FBXO15: variants seen among roughly 807,000 people sequenced by gnomAD.
FBXO15 encodes the protein F-box only protein 15.
A neutral mutation model predicts 49.5 loss-of-function variants in FBXO15; 30 were observed. The ratio of observed to expected loss-of-function variants is 0.61; its 90% CI spans 0.45 to 0.82. The LOEUF (loss-of-function observed/expected upper bound fraction) is 0.82, where lower values mean the gene tolerates loss of function less well. Ranked by LOEUF, FBXO15 falls within the 40% of genes least tolerant of loss-of-function variation. The pLI is 0.00. For missense variants in FBXO15, 591 were observed against 631.5 expected, an observed-to-expected ratio of 0.94 and a Z score of 0.69; for synonymous variants, 250 against 232.7, an observed-to-expected ratio of 1.07 and a Z score of -0.68.
At chr18:74,114,625 T>C (rs62097017) in intron 8 of FBXO15, among the ~76,000 whole-genome samples, 13,322 of 152,252 alleles carry the variant, frequency 0.087, 821 homozygotes, top group Admixed American at 0.2. Context: ...TTACCCACAT[T>C]CCCTCTTTCC....
At chr18:74,125,914 T>C in intron 6 of FBXO15, 61 bp downstream of exon 6, 1 of 1,586,692 alleles carries the variant, frequency 6.3e-7, no homozygotes, top group South Asian at 1.1e-5. Context: ...TACATAATGG[T>C]AAGTAAATGT....
chr18:74,125,712 G>A (rs1005636523), intron 6 of FBXO15, among the ~76,000 whole-genome samples: 3 of 152,136 alleles, frequency 2.0e-5, no homozygotes, highest in Admixed American at 1.3e-4. Context: ...AAACATGAAG[G>A]CAGGAAGAGG....
At chr18:74,120,960 T>C (rs769540923) in intron 8 of FBXO15, among the ~76,000 whole-genome samples, 5 of 152,010 alleles carry the variant, frequency 3.3e-5, no homozygotes, top group Non-Finnish European at 7.4e-5. Flanking sequence ...CAGAAATACA[T>C]GAATTACCAA....
chr18:74,120,308 T>C (rs1447891901), intron 8 of FBXO15, among the ~76,000 whole-genome samples: 1 of 152,108 alleles, frequency 6.6e-6, no homozygotes, highest in Non-Finnish European at 1.5e-5. Flanking sequence ...AAATATCAAC[T>C]CTCTCAACCG....
intron 3 of FBXO15, among the ~76,000 whole-genome samples, chr18:74,132,077 C>A (rs1263011759): frequency 6.6e-6 from 1 of 152,220 alleles, no homozygotes; most frequent in Non-Finnish European, 1.5e-5. Flanking sequence ...TCTCACTCTG[C>A]AAAATCACTT....
At chr18:74,096,241 T>C (rs1364871784) in intron 8 of FBXO15, among the ~76,000 whole-genome samples, 4 of 151,980 alleles carry the variant, frequency 2.6e-5, no homozygotes, top group Non-Finnish European at 5.9e-5. Flanking sequence ...TCCCCAGCCC[T>C]GGAAATGCAG....
At chr18:74,096,569 A>G (rs929976932) in intron 8 of FBXO15, among the ~76,000 whole-genome samples, 1 of 151,974 alleles carries the variant, frequency 6.6e-6, no homozygotes, top group Non-Finnish European at 1.5e-5. Context: ...TAAATAACTA[A>G]TCATTCAGTG....
At chr18:74,107,601 G>A (rs577339977) in intron 8 of FBXO15, among the ~76,000 whole-genome samples, 12 of 152,212 alleles carry the variant, frequency 7.9e-5, no homozygotes, top group Non-Finnish European at 1.6e-4. Context: ...TAAAAAAAAG[G>A]GAAACCTGAG....
chr18:74,130,285 C>T, intron 4 of FBXO15, 131 bp downstream of exon 4: 6 of 1,260,422 alleles, frequency 4.8e-6, no homozygotes, highest in African/African-American at 3.0e-5. Flanking sequence ...GAAAATGATA[C>T]ATATTTTATA....
rs1912216402 is a variant in FBXO15 at position 74,075,335 on chromosome 18, T to A, written c.1264-1605A>T. The stretch of plus-strand genomic sequence containing the variant: ...CACCTCTCCTCACATGTGTTTCTCA[T>A]CTGCTCCTCCCGGGTGTGGCCCAGT... On this transcript the variant is annotated intron_variant, in intron 9 of 9. Coordinates refer to ENST00000419743, the MANE Select transcript of FBXO15 (RefSeq NM_001142958.2). This position sits in a 1 kb window ranked among gnomAD's most constrained non-coding sequence, Gnocchi z 4.1. 6.6e-6 allele frequency among the ~76,000 whole-genome samples: 1 copy of A among 152,198 alleles called. No homozygotes were observed. Among genetic ancestry groups the A allele is most frequent in the African/African-American group, 2.4e-5 (1 of 41,454 alleles).
At chr18:74,146,731 A>C (rs185153272) in intron 1 of FBXO15, among the ~76,000 whole-genome samples, 170 of 152,326 alleles carry the variant, frequency 1.1e-3, no homozygotes, top group Non-Finnish European at 8.2e-4. Flanking sequence ...GGTAAGTGGA[A>C]GTAATGGAGA....
chr18:74,077,334 C>T (rs1351395755), intron 9 of FBXO15, among the ~76,000 whole-genome samples: 1 of 152,150 alleles, frequency 6.6e-6, no homozygotes, highest in African/African-American at 2.4e-5. Context: ...GGGCAGCAAA[C>T]ACCAGGAAAG....
At chr18:74,082,699 C>A (rs1202672405) in intron 8 of FBXO15, among the ~76,000 whole-genome samples, 5 of 152,100 alleles carry the variant, frequency 3.3e-5, no homozygotes, top group Non-Finnish European at 5.9e-5. Context: ...GGGAGAGCCG[C>A]AGCACCACTC....
At chr18:74,120,794 A>G (rs1298861192) in intron 8 of FBXO15, among the ~76,000 whole-genome samples, 1 of 152,158 alleles carries the variant, frequency 6.6e-6, no homozygotes, top group Admixed American at 6.5e-5. Flanking sequence ...CATAAGCAGA[A>G]AAAAAGTAGA....
intron 1 of FBXO15, 105 bp downstream of exon 1, chr18:74,147,565 G>C: frequency 1.6e-6 from 2 of 1,289,848 alleles, no homozygotes; most frequent in Non-Finnish European, 2.0e-6. Flanking sequence ...AGACGGCCAC[G>C]GGCCTTGCGC....
intron 8 of FBXO15, among the ~76,000 whole-genome samples, chr18:74,093,299 A>C (rs922139706): frequency 1.3e-5 from 2 of 151,504 alleles, no homozygotes; most frequent in Admixed American, 6.6e-5. Context: ...ACATGCTAGC[A>C]AAGTGGCATA....
chr18:74,085,229 G>GAA (rs541140562), intron 8 of FBXO15, among the ~76,000 whole-genome samples: 5,929 of 148,758 alleles, frequency 0.04, 377 homozygotes, highest in African/African-American at 0.13. Context: ...AACAATCTTG[G>GAA]AAAAAAAAAA....
chr18:74,120,898 T>C (rs1484701365), intron 8 of FBXO15, among the ~76,000 whole-genome samples: 2 of 151,896 alleles, frequency 1.3e-5, no homozygotes, highest in African/African-American at 4.8e-5. Flanking sequence ...TCTGAGAAGA[T>C]GAATAAAATT....
intron 8 of FBXO15, among the ~76,000 whole-genome samples, chr18:74,085,588 G>A (rs751168487): frequency 7.2e-5 from 11 of 152,108 alleles, no homozygotes; most frequent in African/African-American, 9.7e-5. Flanking sequence ...GTGAGACTCC[G>A]TCTCAAAACA....
Sources: allele counts gnomAD v4.1 joint callset (sites outside exome capture counted in the v4.1 genomes callset), GRCh38; gene constraint gnomAD v4.1.1; non-coding constraint Gnocchi (gnomAD v3.1); transcripts MANE v1.5; gene names NCBI Gene and HGNC (gene_info 2026-07-23, HGNC 2026-07-21).